TAGAP: variants seen among roughly 807,000 people sequenced by gnomAD.
The protein encoded by TAGAP is T-cell activation Rho GTPase-activating protein.
A neutral mutation model predicts 36.0 loss-of-function variants in TAGAP; 16 were observed. That is an observed-to-expected ratio of 0.44 (90% confidence interval 0.30 to 0.68). The LOEUF is 0.68. Among genes scored for constraint, TAGAP ranks in the 30% least tolerant of loss-of-function variants. TAGAP has a pLI of 0.09. For synonymous variants in TAGAP, 372 were observed against 377.4 expected (o/e 0.99, Z 0.17); for missense variants, 794 against 921.5 (o/e 0.86, Z 1.79).
chr6:159,038,167 G>A lies in TAGAP; in HGVS notation c.845C>T (p.Pro282Leu). The A allele has an allele frequency of 1.9e-6, 3 of 1,613,482 alleles. No individual in the cohort carries two copies. Among genetic ancestry groups the A allele is most frequent in the Non-Finnish European group, 2.5e-6 (3 of 1,179,650 alleles). ...NCFEIFGENI[P>L]VHSSITSDDS... ...ATCAGAAGTGATACTGGAATGCACT[G>A]GAATGTTCTCCCCAAATATTTCAAA... The change falls in exon 9 of 10, where the codon CCA becomes CTA. Residue 282 changes from proline (P) to leucine (L), a missense_variant. Transcript: ENST00000367066.
chr6:159,038,342 G>C, intron 8 of TAGAP, 114 bp from the exon 9 acceptor site: 1 of 598,730 alleles, frequency 1.7e-6, no homozygotes, highest in Non-Finnish European at 2.9e-6. Context: ...GAGAATCTGA[G>C]ATCTTTATGT....
intron 3 of TAGAP, 61 bp from the exon 4 acceptor site, chr6:159,043,716 C>A: frequency 6.9e-7 from 1 of 1,450,450 alleles, no homozygotes; most frequent in South Asian, 1.1e-5. Context: ...AGTCTTTCCC[C>A]ACAAAACACA....
intron 7 of TAGAP, among the ~76,000 whole-genome samples, chr6:159,040,496 C>T (rs925817292): frequency 3.3e-5 from 5 of 152,160 alleles, no homozygotes; most frequent in African/African-American, 4.8e-5. Context: ...GATTGAAGTT[C>T]GCTTTCTACT....
Position 159,036,305 on chromosome 6 carries a change from G to C in TAGAP, c.1718C>G (p.Pro573Arg). 6.2e-7 allele frequency: 1 copy of C among 1,613,638 alleles called. No individual in the cohort carries two copies. The highest frequency in any genetic ancestry group is 8.5e-7 in the Non-Finnish European group (1 of 1,180,004). ...NQTARGFCLR[P>R]HALSVDDVFQ... ...CACATCATCCACCGAGAGGGCGTGG[G>C]GTCTCAGGCAGAAGCCGCGGGCTGT... Residue 573 changes from proline (P) to arginine (R), a missense_variant, in exon 10 of 10, where the codon CCC becomes CGC. Pro to Arg is a moderately radical substitution (Grantham distance 103). Transcript: ENST00000367066. The surrounding 1 kb of genome is among the most constrained non-coding windows in gnomAD (Gnocchi z 4.9).
rs201023356 is a variant in TAGAP, at chr6:159,040,810, C to T, written c.500G>A (p.Arg167Gln). 143 of 1,614,090 alleles carry T rather than the reference C, an allele frequency of 8.9e-5. No homozygotes were observed. Among genetic ancestry groups the T allele is most frequent in the South Asian group, 3.2e-4 (29 of 91,078 alleles). The change falls in exon 7 of 10, where the codon CGG becomes CAG. Residue 167 changes from arginine (R) to glutamine (Q), a missense_variant. By Grantham distance (43) the Arg-to-Gln change is conservative. Transcript: ENST00000367066. ...VFKDFLRSIP[R>Q]KLLSSDLFEE... ...AAAGAGGTCGCTTGAAAGTAGCTTC[C>T]GGGGGATACTTCTGAGGAAGTCCTG... is the stretch of plus-strand genomic sequence containing the variant.
chr6:159,038,272 T>A, intron 8 of TAGAP, 44 bp from the exon 9 acceptor site: 3 of 1,004,628 alleles, frequency 3.0e-6, no homozygotes, highest in African/African-American at 2.0e-5. Flanking sequence ...AGACTTTTTT[T>A]TTTTTTTTTT....
chr6:159,044,680 T>A (rs1779868382), intron 1 of TAGAP, among the ~76,000 whole-genome samples, 199 bp downstream of exon 1: 1 of 150,504 alleles, frequency 6.6e-6, no homozygotes, highest in Non-Finnish European at 1.5e-5. Flanking sequence ...ATAGTAAACA[T>A]GAAACAAAGA....
Position 159,043,988 on chromosome 6 carries a change from C to T in TAGAP, c.71G>A (p.Cys24Tyr), listed in dbSNP as rs1353163277. 1.2e-6 allele frequency: 2 copies of T among 1,613,578 alleles called. No individual in the cohort carries two copies. Among genetic ancestry groups the T allele is most frequent in the South Asian group, 2.2e-5 (2 of 90,926 alleles). The change falls in exon 3 of 10, where the codon TGT becomes TAT. Residue 24 changes from cysteine to tyrosine, a missense_variant. Transcript: ENST00000367066. ...AAATTGCTTTCTTACCTCTGATTGA[C>T]ATTCGATTAGTGTCTCCATATTATT... ...NANNMETLIE[C>Y]QSEGDIKEHP...
Position 159,036,965 on chromosome 6 carries a change from AC to A in TAGAP, c.1057del (p.Val353SerfsTer7). The A allele has an allele frequency of 6.2e-7, 1 of 1,613,146 alleles. No individual in the cohort carries two copies. The highest frequency in any genetic ancestry group is 8.5e-7 in the Non-Finnish European group (1 of 1,179,714). Reference sequence around the variant, plus strand: ...GGTGCTCACAATGGGCTCTGGGCTGACCTCTCGGGCATCCTGTGGGCCCGCG... The same window carrying A: ...GGTGCTCACAATGGGCTCTGGGCTGACTCTCGGGCATCCTGTGGGCCCGCG... ...DSAGPQDARE[V>X]SPEPIVSTVA... On this transcript the variant is annotated frameshift_variant, in exon 10 of 10. Coordinates refer to ENST00000367066, the MANE Select transcript of TAGAP (RefSeq NM_054114.5). LOFTEE classifies it low-confidence loss of function (END_TRUNC). The surrounding 1 kb of genome is among the most constrained non-coding windows in gnomAD (Gnocchi z 4.9).
At position 159,036,941 on chromosome 6, in the gene TAGAP, G is replaced by A. The variant is rs1219548675; in HGVS notation, c.1082C>T (p.Thr361Ile). ...REVSPEPIVS[T>I]VARLKSSLAQ... ...GAGGGAGCTTTTCAGCCTGGCCACG[G>A]TGCTCACAATGGGCTCTGGGCTGAC... The change falls in exon 10 of 10, where the codon ACC (threonine) becomes ATC (isoleucine). Residue 361 changes from threonine (T) to isoleucine (I), a missense_variant. Transcript: ENST00000367066. This position sits in a 1 kb window ranked among gnomAD's most constrained non-coding sequence, Gnocchi z 4.9. 1 of 1,613,540 alleles carries A rather than the reference G, an allele frequency of 6.2e-7. No individual in the cohort carries two copies. Among genetic ancestry groups the A allele is most frequent in the Non-Finnish European group, 8.5e-7 (1 of 1,179,652 alleles).
At position 159,044,204 on chromosome 6, in the gene TAGAP, T is replaced by A; in HGVS notation, c.-58A>T. 6.3e-7 allele frequency: 1 copy of A among 1,580,396 alleles called. No individual in the cohort carries two copies. Among genetic ancestry groups the A allele is most frequent in the African/African-American group, 1.4e-5 (1 of 73,106 alleles). On this transcript the variant is annotated splice_region_variant and 5_prime_UTR_variant, in exon 2 of 10. Transcript: ENST00000367066. ...TCACTCCCGTGTGGCTGTGCCTCTG[T>A]CTACAACGAATCACATGGAAAGGAG...
In TAGAP at chr6:159,036,059, A is replaced by T; in HGVS notation, c.1964T>A (p.Leu655His). Reference sequence around the variant, plus strand: ...CAGGGGAGAGAGTCCGTGGCCAGGGAGTGGCTCTTTGCTGCCCCTGTGTCT... The same window carrying T: ...CAGGGGAGAGAGTCCGTGGCCAGGGTGTGGCTCTTTGCTGCCCCTGTGTCT... ...DSRHRGSKEP[L>H]PGHGLSPLPE... The change falls in exon 10 of 10, where the codon CTC becomes CAC. Residue 655 changes from leucine (L) to histidine (H), a missense_variant. Coordinates refer to ENST00000367066, the MANE Select transcript of TAGAP (RefSeq NM_054114.5). The surrounding 1 kb of genome is among the most constrained non-coding windows in gnomAD (Gnocchi z 4.9). 1.2e-6 allele frequency: 2 copies of T among 1,612,270 alleles called. No homozygotes were observed. Among genetic ancestry groups the T allele is most frequent in the South Asian group, 2.2e-5 (2 of 91,032 alleles).
In TAGAP at chr6:159,044,991, C is replaced by T. The variant is rs1002800336; in HGVS notation, c.-171G>A. ...CCACTGGGAGAGAGAGAGACCGAGC[C>T]GGTCTCCCTTCACATGCTCTGCATT... On this transcript the variant is annotated 5_prime_UTR_variant, in exon 1 of 10. Transcript: ENST00000367066. 1.8e-5 allele frequency: 7 copies of T among 398,304 alleles called. No individual in the cohort carries two copies. The highest frequency in any genetic ancestry group is 1.3e-4 in the South Asian group (1 of 7,838). The allele number at this position is 398,304 out of a possible 1,614,324, so 24.7% of individuals were successfully genotyped here. A position where few individuals can be genotyped will look rare whatever the true frequency, so the allele number is the denominator to read the frequency against.
chr6:159,043,607 T>G lies in TAGAP; in HGVS notation c.130A>C (p.Ser44Arg), dbSNP rs140990019. The change falls in exon 4 of 10, where the codon AGT becomes CGT. Residue 44 changes from serine (S) to arginine (R), a missense_variant. Transcript: ENST00000367066. ...AACTCACCAATGAGCTGGCAAATAC[T>G]GTCTTCACTCTCACATGATGCCAAC... ...PLLASCESEDSICQLIEVKKR... is the reference protein window; with the variant it reads ...PLLASCESEDRICQLIEVKKR... 3.5e-5 allele frequency: 56 copies of G among 1,614,116 alleles called. No homozygotes were observed. In the African/African-American group the frequency reaches 7.3e-4, roughly 21 times the overall value.
chr6:159,035,657 G>A lies in TAGAP; in HGVS notation c.*170C>T. The A allele has an allele frequency of 1.6e-6, 1 of 610,298 alleles. No individual in the cohort carries two copies. Among genetic ancestry groups the A allele is most frequent in the East Asian group, 2.8e-5 (1 of 36,064 alleles). The allele number at this position is 610,298 out of a possible 1,614,324, so 37.8% of individuals were successfully genotyped here. A position where few individuals can be genotyped will look rare whatever the true frequency, so the allele number is the denominator to read the frequency against. On this transcript the variant is annotated 3_prime_UTR_variant, in exon 10 of 10. Coordinates refer to ENST00000367066, the MANE Select transcript of TAGAP (RefSeq NM_054114.5). ...TATTGCACAAATCCAGGTACACAGA[G>A]ACTATCTGATGCGCCATGGCCATGG...
Position 159,044,972 on chromosome 6 carries a change from GGAGA to G in TAGAP, c.-156_-153del. ...ACTCTCTGCTCCTTCTAGTCCACTG[GGAGA>G]GAGAGAGACCGAGCCGGTCTCCCTT... On this transcript the variant is annotated 5_prime_UTR_variant, in exon 1 of 10. Coordinates refer to ENST00000367066, the MANE Select transcript of TAGAP (RefSeq NM_054114.5). The G allele has an allele frequency of 2.5e-6, 1 of 392,920 alleles. No individual in the cohort carries two copies. The highest frequency in any genetic ancestry group is 3.6e-5 in the East Asian group (1 of 27,874). 24.3% of individuals were successfully genotyped at this position (392,920 alleles called of 1,614,324 possible).
rs778299145 is a variant in TAGAP at position 159,042,194 on chromosome 6, G to T, written c.199C>A (p.Leu67Ile). 3 of 1,613,998 alleles carry T rather than the reference G, an allele frequency of 1.9e-6. No individual in the cohort carries two copies. Among genetic ancestry groups the T allele is most frequent in the East Asian group, 4.5e-5 (2 of 44,890 alleles). The change falls in exon 5 of 10, where the codon CTC (leucine) becomes ATC (isoleucine). Residue 67 changes from leucine to isoleucine, a missense_variant. Coordinates refer to ENST00000367066, the MANE Select transcript of TAGAP (RefSeq NM_054114.5). Reference sequence around the variant, plus strand: ...CCAGAAAAATCTGATGCAGGGGAGAGCCTTCTCATGAGAAAGGGCCAGGAC... The same window carrying T: ...CCAGAAAAATCTGATGCAGGGGAGATCCTTCTCATGAGAAAGGGCCAGGAC... ...VLSWPFLMRR[L>I]SPASDFSGAL...
At position 159,037,183 on chromosome 6, in the gene TAGAP, TATTTGTATTTTTTATTTTC is replaced by T; in HGVS notation, c.899-78_899-60del. 7.2e-7 allele frequency: 1 copy of T among 1,380,248 alleles called. No individual in the cohort carries two copies. Among genetic ancestry groups the T allele is most frequent in the South Asian group, 1.5e-5 (1 of 65,334 alleles). 85.5% of individuals were successfully genotyped at this position (1,380,248 alleles called of 1,614,324 possible). A position where few individuals can be genotyped will look rare whatever the true frequency, so the allele number is the denominator to read the frequency against. Reference sequence around the variant, plus strand: ...TTGGGTTTATTTATTTATTTATTTTTATTTGTATTTTTTATTTTCATTTTTTGAGATGGAGTCTCGGTTT... The same window carrying T: ...TTGGGTTTATTTATTTATTTATTTTTATTTTTTGAGATGGAGTCTCGGTTT... On this transcript the variant is annotated intron_variant, in intron 9 of 9. Transcript: ENST00000367066. This position sits in a 1 kb window ranked among gnomAD's most constrained non-coding sequence, Gnocchi z 5.1.
Position 159,042,103 on chromosome 6 carries a change from C to G in TAGAP, c.290G>C (p.Ser97Thr). Reference protein sequence around the residue: ...DQPLSIICGDSDTLPRPIQDI... With the variant: ...DQPLSIICGDTDTLPRPIQDI... ...CTGGATGGGTCTGGGGAGTGTGTCA[C>G]TGTCACCGCAGATAATTGACAAGGG... The change falls in exon 5 of 10, where the codon AGT (serine) becomes ACT (threonine). Residue 97 changes from serine (S) to threonine (T), a missense_variant. By Grantham distance (58) the Ser-to-Thr change is moderately conservative (BLOSUM62 1). Transcript: ENST00000367066. 1 of 1,614,160 alleles carries G rather than the reference C, an allele frequency of 6.2e-7. No homozygotes were observed. Among genetic ancestry groups the G allele is most frequent in the Non-Finnish European group, 8.5e-7 (1 of 1,180,012 alleles).
Sources: allele counts gnomAD v4.1 joint callset (sites outside exome capture counted in the v4.1 genomes callset), GRCh38; gene constraint gnomAD v4.1.1; non-coding constraint Gnocchi (gnomAD v3.1); transcripts MANE v1.5; gene names NCBI Gene and HGNC (gene_info 2026-07-23, HGNC 2026-07-21).